The following RPTOR variants were observed in gnomAD, a reference collection of about 807,000 sequenced individuals.
RPTOR encodes the protein regulatory-associated protein of mTOR.
In RPTOR, 21 loss-of-function variants were observed where a neutral mutation model predicts 169.9. The observed-to-expected ratio is 0.12, with a 90% confidence interval of 0.09 to 0.18. The LOEUF is 0.18. Ranked by LOEUF, RPTOR falls within the 10% of genes least tolerant of loss-of-function variation. RPTOR has a pLI of 1.00. For missense variants in RPTOR, 1,133 were observed against 1,855.9 expected (o/e 0.61, Z 7.16); for synonymous variants, 732 against 753.2 (o/e 0.97, Z 0.46).
At chr17:80,614,694 C>A (rs1422810786) in intron 1 of RPTOR, among the ~76,000 whole-genome samples, 2 of 152,176 alleles carry the variant, frequency 1.3e-5, no homozygotes, top group Non-Finnish European at 2.9e-5. Flanking sequence ...CTGTAGAAAC[C>A]ATCTCACTGC....
chr17:80,743,888 C>T lies in RPTOR; in HGVS notation c.655-10122C>T, dbSNP rs1375354684. ...CTACTAGCACAGCCCTGGCTACTAG[C>T]ACTGTCCTGGTTACGAGCACAGCCC... On this transcript the variant is annotated intron_variant, in intron 5 of 33. Transcript: ENST00000306801. 1.7e-3 allele frequency among the ~76,000 whole-genome samples: 164 copies of T among 99,270 alleles called. 1 individual carries two copies. Among genetic ancestry groups the T allele is most frequent in the South Asian group, 2.8e-3 (8 of 2,876 alleles). 65.1% of individuals were successfully genotyped at this position (99,270 alleles called of 152,430 possible).
intron 13 of RPTOR, among the ~76,000 whole-genome samples, chr17:80,864,198 T>G (rs2067954301): frequency 6.6e-6 from 1 of 152,000 alleles, no homozygotes; most frequent in African/African-American, 2.4e-5. Flanking sequence ...CGCAATCAAA[T>G]TACTTGAAAA....
At chr17:80,696,892 G>A (rs2066041699) in intron 3 of RPTOR, among the ~76,000 whole-genome samples, 1 of 152,198 alleles carries the variant, frequency 6.6e-6, no homozygotes, top group Admixed American at 6.5e-5. Flanking sequence ...CAGAGTGGGT[G>A]TTAGTGTGCT....
chr17:80,670,438 A>G (rs144300192), intron 3 of RPTOR, among the ~76,000 whole-genome samples: 231 of 152,156 alleles, frequency 1.5e-3, no homozygotes, highest in Middle Eastern at 0.014. Context: ...CCTTTTAACC[A>G]TCCGGAGCGT....
chr17:80,551,541 A>G (rs935353466), intron 1 of RPTOR, among the ~76,000 whole-genome samples: 3 of 152,228 alleles, frequency 2.0e-5, no homozygotes, highest in Non-Finnish European at 4.4e-5. Context: ...ACACATAAAT[A>G]TCTCAATGCT....
intron 2 of RPTOR, among the ~76,000 whole-genome samples, chr17:80,634,537 CGTACTGTGTGTGT>C (rs2065479924): frequency 1.9e-5 from 2 of 105,120 alleles, no homozygotes; most frequent in Admixed American, 1.1e-4. Flanking sequence ...TGTGCATGTG[CGTACTGTGTGTGT>C]GCATACTGTG....
chr17:80,665,327 TTTTCC>T (rs1248540815), intron 3 of RPTOR, among the ~76,000 whole-genome samples: 3 of 119,532 alleles, frequency 2.5e-5, no homozygotes, highest in Non-Finnish European at 5.3e-5. Context: ...TTTTCTTTTC[TTTTCC>T]CTTTCCTTTC....
chr17:80,722,712 A>G (rs1466164004), intron 4 of RPTOR, among the ~76,000 whole-genome samples: 1 of 151,446 alleles, frequency 6.6e-6, no homozygotes, highest in South Asian at 2.1e-4. Flanking sequence ...GAGGCAGCAC[A>G]GAGAGTTCCT....
chr17:80,819,503 G>A (rs912404071), intron 7 of RPTOR, among the ~76,000 whole-genome samples: 6 of 152,126 alleles, frequency 3.9e-5, no homozygotes, highest in African/African-American at 1.4e-4. Flanking sequence ...CATTGGTTTC[G>A]GAGCGAATTT....
In RPTOR at chr17:80,922,760, ACCT is replaced by A. The variant is rs2068761022; in HGVS notation, c.2563_2565del (p.Ser855del). ...CGCCCGGCCGCAGCGCGTCCTGGAC[ACCT>A]CCTCCCTCACGCAGTCGGCCCCCGC... is the stretch of plus-strand genomic sequence containing the variant. On this transcript the variant is annotated inframe_deletion, in exon 22 of 34. Transcript: ENST00000306801. 2 of 1,584,912 alleles carry A rather than the reference ACCT, an allele frequency of 1.3e-6. No individual in the cohort carries two copies. Among genetic ancestry groups the A allele is most frequent in the Non-Finnish European group, 1.7e-6 (2 of 1,170,308 alleles).
chr17:80,697,554 G>A (rs1229135497), intron 3 of RPTOR, among the ~76,000 whole-genome samples: 4 of 152,154 alleles, frequency 2.6e-5, no homozygotes, highest in Non-Finnish European at 5.9e-5. Flanking sequence ...GGAGGAGGGC[G>A]GCGTGATAGG....
At chr17:80,676,964 A>G (rs1440105620) in intron 3 of RPTOR, among the ~76,000 whole-genome samples, 2 of 152,094 alleles carry the variant, frequency 1.3e-5, no homozygotes, top group Non-Finnish European at 2.9e-5. Flanking sequence ...TTTCAGGTAG[A>G]TCCCGGAAAC....
Position 80,963,414 on chromosome 17 carries a change from ACCCCGTCCCCTCTGCG to A in RPTOR, c.3939+358_3939+373del, listed in dbSNP as rs1568014893. Among the ~76,000 whole-genome samples the A allele has an allele frequency of 3.4e-4, 45 of 131,194 alleles. 1 individual carries two copies. The highest frequency in any genetic ancestry group is 1.2e-3 in the African/African-American group (42 of 34,392). 86.1% of individuals were successfully genotyped at this position (131,194 alleles called of 152,430 possible). A position where few individuals can be genotyped will look rare whatever the true frequency, so the allele number is the denominator to read the frequency against. On this transcript the variant is annotated intron_variant, in intron 33 of 33. Transcript: ENST00000306801. ...TCACCCCGTCCCCTGTGCGGCCCTC[ACCCCGTCCCCTCTGCG>A]GCCCTCACCCCGTCCCCTCTGCGGC...
At chr17:80,556,077 A>T (rs976893269) in intron 1 of RPTOR, among the ~76,000 whole-genome samples, 5 of 149,938 alleles carry the variant, frequency 3.3e-5, no homozygotes, top group African/African-American at 1.2e-4. Flanking sequence ...CGAGACTCAC[A>T]TGAGACACTC....
rs570658739 is a variant in RPTOR at position 80,966,078 on chromosome 17, A to T, written c.*1748A>T. The T allele has an allele frequency of 2.7e-3, 625 of 228,674 alleles. 1 individual carries two copies. The highest frequency in any genetic ancestry group is 4.5e-3 in the Non-Finnish European group (523 of 116,362). The allele number at this position is 228,674 out of a possible 1,614,324, so 14.2% of individuals were successfully genotyped here. On this transcript the variant is annotated 3_prime_UTR_variant, in exon 34 of 34. Coordinates refer to ENST00000306801, the MANE Select transcript of RPTOR (RefSeq NM_020761.3). ...TTTCTGTTTGTTTTGAGACAAAATC[A>T]CCACCTGTCAAAAGGCAGGTGGCTC... is the stretch of plus-strand genomic sequence containing the variant.
At chr17:80,863,911 C>T (rs897706579) in intron 13 of RPTOR, among the ~76,000 whole-genome samples, 1 of 152,012 alleles carries the variant, frequency 6.6e-6, no homozygotes, top group Non-Finnish European at 1.5e-5. Flanking sequence ...CAGAGTGAGG[C>T]CCTGCCTCAA....
At chr17:80,862,112 G>A (rs1031357824) in intron 13 of RPTOR, among the ~76,000 whole-genome samples, 8 of 152,126 alleles carry the variant, frequency 5.3e-5, no homozygotes, top group African/African-American at 1.9e-4. Context: ...TGCTGAAGGG[G>A]TCATCTGCTC....
At chr17:80,643,641 T>G in intron 2 of RPTOR, 87 bp from the exon 3 acceptor site, 1 of 967,672 alleles carries the variant, frequency 1.0e-6, no homozygotes, top group Non-Finnish European at 1.6e-6. Flanking sequence ...TTGAAGTGTG[T>G]TATATAAGGA....
intron 1 of RPTOR, among the ~76,000 whole-genome samples, chr17:80,577,960 T>G (rs994972486): frequency 2.0e-5 from 3 of 152,270 alleles, no homozygotes; most frequent in Non-Finnish European, 4.4e-5. Context: ...CGCTGTGATG[T>G]GCGGCGCAGT....
Sources: gnomAD v4.1 joint callset for allele counts (sites outside exome capture counted in the v4.1 genomes callset) on GRCh38, gnomAD v4.1.1 for gene constraint, MANE v1.5 for transcripts, NCBI Gene and HGNC (gene_info 2026-07-23, HGNC 2026-07-21) for gene names.